The following PLCB1 variants were observed in gnomAD, a reference collection of about 807,000 sequenced individuals.
PLCB1 encodes 1-phosphatidylinositol 4,5-bisphosphate phosphodiesterase beta-1.
A neutral mutation model predicts 161.8 loss-of-function variants in PLCB1; 46 were observed. The observed-to-expected ratio is 0.28, with a 90% confidence interval of 0.22 to 0.36. The LOEUF (loss-of-function observed/expected upper bound fraction) is 0.36. Among genes scored for constraint, PLCB1 ranks in the 10% least tolerant of loss-of-function variants. PLCB1 has a pLI of 1.00. For missense variants in PLCB1, 1,016 were observed against 1,472.5 expected, an observed-to-expected ratio of 0.69 and a Z score of 5.07; for synonymous variants, 517 against 503.7, an observed-to-expected ratio of 1.03 and a Z score of -0.35.
intron 2 of PLCB1, among the ~76,000 whole-genome samples, chr20:8,344,874 A>G (rs1403967277): frequency 6.6e-6 from 1 of 152,232 alleles, no homozygotes; most frequent in Non-Finnish European, 1.5e-5. Flanking sequence ...AGGACAGTTA[A>G]AAGAAGAAAA....
intron 2 of PLCB1, among the ~76,000 whole-genome samples, chr20:8,369,746 A>C (rs754793117): frequency 5.3e-5 from 8 of 152,202 alleles, no homozygotes; most frequent in Non-Finnish European, 8.8e-5. Flanking sequence ...AAAATGGGGA[A>C]AATGAAACTT....
intron 2 of PLCB1, among the ~76,000 whole-genome samples, chr20:8,365,918 T>C (rs1986696875): frequency 6.6e-6 from 1 of 152,128 alleles, no homozygotes; most frequent in Non-Finnish European, 1.5e-5. Context: ...TGCACAGAAA[T>C]TGGGATTCTG....
chr20:8,636,004 C>T (rs553878139), intron 4 of PLCB1, among the ~76,000 whole-genome samples: 27 of 152,090 alleles, frequency 1.8e-4, no homozygotes, highest in Non-Finnish European at 3.5e-4. Context: ...TGCTTTATCT[C>T]GTTTCTATTT....
At chr20:8,653,930 A>G (rs1989384360) in intron 7 of PLCB1, among the ~76,000 whole-genome samples, 2 of 152,066 alleles carry the variant, frequency 1.3e-5, no homozygotes, top group African/African-American at 4.8e-5. Context: ...TACAGTAATA[A>G]TGCCAACTGC....
intron 2 of PLCB1, among the ~76,000 whole-genome samples, chr20:8,345,061 T>C (rs1568640262): frequency 6.6e-6 from 1 of 152,184 alleles, no homozygotes. Flanking sequence ...CAATGCATAC[T>C]CGCTCTCCAT....
chr20:8,289,266 C>T (rs1983272822), intron 2 of PLCB1, among the ~76,000 whole-genome samples: 1 of 152,218 alleles, frequency 6.6e-6, no homozygotes, highest in Non-Finnish European at 1.5e-5. Flanking sequence ...AAGCACTTGA[C>T]ATGGACTAAA....
At chr20:8,777,270 C>T (rs773120619) in intron 27 of PLCB1, among the ~76,000 whole-genome samples, 6 of 152,100 alleles carry the variant, frequency 3.9e-5, no homozygotes, top group Admixed American at 6.5e-5. Context: ...ACAGGGACCA[C>T]TCCGGGGCTG....
chr20:8,202,277 T>C (rs569819191), intron 2 of PLCB1, among the ~76,000 whole-genome samples: 2,260 of 150,280 alleles, frequency 0.015, 51 homozygotes, highest in African/African-American at 0.051. Context: ...GGGTTTCCCA[T>C]GTTGGCTAGG....
intron 2 of PLCB1, among the ~76,000 whole-genome samples, chr20:8,181,689 C>A (rs1340269596): frequency 6.6e-6 from 1 of 152,050 alleles, no homozygotes; most frequent in Non-Finnish European, 1.5e-5. Flanking sequence ...TAATAGCTAC[C>A]ACTGGCTGTT....
intron 3 of PLCB1, among the ~76,000 whole-genome samples, chr20:8,475,011 A>G (rs1300927096): frequency 1.8e-5 from 1 of 55,256 alleles, no homozygotes; most frequent in East Asian, 3.0e-4. Context: ...ACACACACAG[A>G]CACACACACA....
chr20:8,575,582 C>T (rs977033074), intron 3 of PLCB1, among the ~76,000 whole-genome samples: 2 of 152,206 alleles, frequency 1.3e-5, no homozygotes, highest in South Asian at 2.1e-4. Context: ...TGAATTCCCC[C>T]GCTCTAGGGT....
At chr20:8,513,125 A>G (rs1037838732) in intron 3 of PLCB1, among the ~76,000 whole-genome samples, 2 of 152,254 alleles carry the variant, frequency 1.3e-5, no homozygotes. Flanking sequence ...GTTTCAATAC[A>G]TAAATCTAGA....
At chr20:8,134,639 C>T (rs1485767426) in intron 1 of PLCB1, among the ~76,000 whole-genome samples, 1 of 152,038 alleles carries the variant, frequency 6.6e-6, no homozygotes, top group African/African-American at 2.4e-5. Flanking sequence ...CCTGCTGTTA[C>T]GGACCTTACA....
intron 3 of PLCB1, among the ~76,000 whole-genome samples, chr20:8,399,965 C>A (rs1978476473): frequency 6.6e-6 from 1 of 152,108 alleles, no homozygotes; most frequent in South Asian, 2.1e-4. Context: ...AAAAATAACT[C>A]CTGTGCATTA....
chr20:8,144,228 A>G (rs2051431527), intron 1 of PLCB1, among the ~76,000 whole-genome samples: 1 of 152,170 alleles, frequency 6.6e-6, no homozygotes, highest in Non-Finnish European at 1.5e-5. Flanking sequence ...CTGCATACCC[A>G]CCAGAGCTAT....
intron 3 of PLCB1, among the ~76,000 whole-genome samples, chr20:8,476,484 C>G (rs191139757): frequency 1.3e-5 from 2 of 152,324 alleles, no homozygotes; most frequent in African/African-American, 4.8e-5. Context: ...ATTATTCATT[C>G]TGGCTGGATG....
At chr20:8,756,638 A>T (rs1330791987) in intron 23 of PLCB1, among the ~76,000 whole-genome samples, 1 of 152,142 alleles carries the variant, frequency 6.6e-6, no homozygotes, top group African/African-American at 2.4e-5. Flanking sequence ...CTCTTCCAGA[A>T]GAGCTGGATG....
chr20:8,822,393 C>T (rs1351886042), intron 31 of PLCB1, among the ~76,000 whole-genome samples: 2 of 152,154 alleles, frequency 1.3e-5, no homozygotes, highest in African/African-American at 4.8e-5. Context: ...GCCAGGAACC[C>T]TGTGCTGGGA....
intron 2 of PLCB1, among the ~76,000 whole-genome samples, chr20:8,199,829 G>T (rs2052072649): frequency 6.6e-6 from 1 of 151,986 alleles, no homozygotes; most frequent in African/African-American, 2.4e-5. Context: ...ATTGTAATAG[G>T]TAATATCTTA....
Sources: gnomAD v4.1 joint callset for allele counts (sites outside exome capture counted in the v4.1 genomes callset) on GRCh38, gnomAD v4.1.1 for gene constraint, MANE v1.5 for transcripts, NCBI Gene and HGNC (gene_info 2026-07-23, HGNC 2026-07-21) for gene names.